NLRP2: variants seen among roughly 807,000 people sequenced by gnomAD.
NLRP2 encodes NACHT, LRR and PYD domains-containing protein 2.
A neutral mutation model predicts 97.2 loss-of-function variants in NLRP2; 107 were observed. The ratio of observed to expected loss-of-function variants is 1.10; its 90% CI spans 0.94 to 1.29. The LOEUF (loss-of-function observed/expected upper bound fraction) is 1.29. Among genes scored for constraint, NLRP2 ranks in the 50% most tolerant of loss-of-function variants. The probability of loss-of-function intolerance (pLI) is 0.00; values close to 1 mark genes in which losing one functional copy is unlikely to be tolerated. For missense variants in NLRP2, 1,495 were observed against 1,330.3 expected, an observed-to-expected ratio of 1.12 and a Z score of -1.93; for synonymous variants, 663 against 551.5, an observed-to-expected ratio of 1.20 and a Z score of -2.83.
At chr19:54,967,640 C>G (rs1411122248) in intron 1 of NLRP2, among the ~76,000 whole-genome samples, 1 of 150,312 alleles carries the variant, frequency 6.7e-6, no homozygotes, top group Non-Finnish European at 1.5e-5. Context: ...CTATAGAGAG[C>G]TCCAAAAAAA....
At chr19:55,000,467 A>C (rs2073120051) in intron 12 of NLRP2, among the ~76,000 whole-genome samples, 1 of 150,320 alleles carries the variant, frequency 6.7e-6, no homozygotes, top group Admixed American at 6.6e-5. Context: ...TTTAGTAGAG[A>C]CAGGGTTTCA....
intron 1 of NLRP2, among the ~76,000 whole-genome samples, chr19:54,967,142 T>C (rs887800738): frequency 3.4e-5 from 5 of 148,906 alleles, no homozygotes; most frequent in African/African-American, 1.2e-4. Flanking sequence ...TCTGGGATTA[T>C]AGGCAGGTGC....
rs149347145 is a variant in NLRP2 at position 54,982,827 on chromosome 19, C to T, written c.1129C>T (p.Gln377Ter). 3.7e-6 allele frequency: 6 copies of T among 1,613,706 alleles called. No individual in the cohort carries two copies. The highest frequency in any genetic ancestry group is 3.4e-6 in the Non-Finnish European group (4 of 1,179,946). ...YFLRHFGDEDQAMRAFELMRS... is the reference protein window; with the variant it reads ...YFLRHFGDED ...CCTGAGACACTTTGGAGACGAGGAC[C>T]AAGCCATGCGTGCCTTTGAGCTAAT... The change falls in exon 6 of 13, where the codon CAA becomes TAA. Residue 377 changes from glutamine (Q) to a stop codon, truncating the protein, a stop_gained. Transcript: ENST00000448584. LOFTEE classifies it high-confidence loss of function.
At chr19:54,966,847 T>TA (rs2070464048) in intron 1 of NLRP2, among the ~76,000 whole-genome samples, 2 of 121,250 alleles carry the variant, frequency 1.6e-5, no homozygotes, top group Non-Finnish European at 3.9e-5. Flanking sequence ...TTTTTTTTTT[T>TA]TTTTCTTCTC....
chr19:54,981,107 TCAAA>T (rs1427710686), intron 4 of NLRP2, among the ~76,000 whole-genome samples: 4 of 152,130 alleles, frequency 2.6e-5, no homozygotes, highest in South Asian at 2.1e-4. Flanking sequence ...TGAGACTGTC[TCAAA>T]CAGACCTATA....
In NLRP2 at chr19:55,001,024, T is replaced by G. The variant is rs766628929; in HGVS notation, c.*126T>G. 1 of 826,430 alleles carries G rather than the reference T, an allele frequency of 1.2e-6. No individual in the cohort carries two copies. The highest frequency in any genetic ancestry group is 1.4e-5 in the South Asian group (1 of 69,866). The allele number at this position is 826,430 out of a possible 1,614,324, so 51.2% of individuals were successfully genotyped here. ...AATGAGTTCATTGCTGGGCTAGATGTTTTAGCCATGATTCTGCCTCTGTTT... is the reference window on the plus strand; with the variant it reads ...AATGAGTTCATTGCTGGGCTAGATGGTTTAGCCATGATTCTGCCTCTGTTT... On this transcript the variant is annotated 3_prime_UTR_variant, in exon 13 of 13. Transcript: ENST00000448584.
rs768813006 is a variant in NLRP2, at chr19:54,982,623, GAGA to G, written c.934_936del (p.Lys312del). On this transcript the variant is annotated inframe_deletion, in exon 6 of 13. Transcript: ENST00000448584. ...GATCGAGGACATCTGCGGGGACTGGGAGAAGAAGAAGCCGGTGCCCGTCCTCCT... is the reference window on the plus strand; with the variant it reads ...GATCGAGGACATCTGCGGGGACTGGGAGAAGAAGCCGGTGCCCGTCCTCCT... The G allele has an allele frequency of 2.1e-4, 334 of 1,614,160 alleles. No homozygotes were observed. The highest frequency in any genetic ancestry group is 3.4e-4 in the South Asian group (31 of 91,082).
At chr19:54,973,197 A>C (rs572811154) in intron 2 of NLRP2, among the ~76,000 whole-genome samples, 57 of 152,016 alleles carry the variant, frequency 3.7e-4, no homozygotes, top group African/African-American at 8.9e-4. Flanking sequence ...TCAAAAAAAA[A>C]AAACAAACAA....
chr19:54,989,024 C>G (rs2072282679), intron 8 of NLRP2, among the ~76,000 whole-genome samples: 1 of 151,926 alleles, frequency 6.6e-6, no homozygotes, highest in Admixed American at 6.6e-5. Context: ...GTGGAGTGAT[C>G]TCGGCTTACT....
chr19:54,982,168 A>G lies in NLRP2; in HGVS notation c.470A>G (p.Asp157Gly). 1.9e-6 allele frequency: 3 copies of G among 1,614,104 alleles called. No homozygotes were observed. In the South Asian group the frequency reaches 3.3e-5, roughly 18 times the overall value. Residue 157 changes from aspartate to glycine, a missense_variant, in exon 6 of 13, where the codon GAC becomes GGC. Asp to Gly is a moderately conservative substitution (Grantham distance 94). Coordinates refer to ENST00000448584, the MANE Select transcript of NLRP2 (RefSeq NM_017852.5). The part of the protein sequence containing the change: ...EVFKGKKPDK[D>G]NRCRYILKTK... Reference sequence around the variant, plus strand: ...CTCCTCACCAATGATAAAGACAAAGACAATAGGTGCAGGTATATATTGAAG... The same window carrying G: ...CTCCTCACCAATGATAAAGACAAAGGCAATAGGTGCAGGTATATATTGAAG...
intron 8 of NLRP2, chr19:54,986,549 T>G (rs2072100176): frequency 1.8e-6 from 1 of 562,664 alleles, no homozygotes. Context: ...CCCAGAATCT[T>G]TATCATCTTT....
intron 11 of NLRP2, 110 bp downstream of exon 11, chr19:54,994,549 T>G: frequency 9.0e-7 from 1 of 1,107,192 alleles, no homozygotes; most frequent in Non-Finnish European, 1.4e-6. Context: ...TGAGAGGACC[T>G]TTATAGAGTC....
Position 54,983,650 on chromosome 19 carries a change from A to G in NLRP2, c.1952A>G (p.Gln651Arg). The G allele has an allele frequency of 1.2e-6, 2 of 1,614,172 alleles. No homozygotes were observed. The highest frequency in any genetic ancestry group is 2.2e-5 in the East Asian group (1 of 44,888). Residue 651 changes from glutamine to arginine, a missense_variant, in exon 6 of 13, where the codon CAG becomes CGG. Physicochemically the swap from Gln to Arg is conservative, Grantham distance 43 (BLOSUM62 1). Transcript: ENST00000448584. ...SFCVKHCRNL[Q>R]KMSLQVIKEN... is the part of the protein sequence containing the mutation. ...TGCGTCAAGCACTGTCGAAACCTGC[A>G]GAAAATGTCACTGCAGGTAATAAAG...
intron 11 of NLRP2, among the ~76,000 whole-genome samples, chr19:54,994,961 G>A (rs2072724417): frequency 6.6e-6 from 1 of 151,372 alleles, no homozygotes; most frequent in African/African-American, 2.4e-5. Flanking sequence ...GAAATTTTAA[G>A]GATACAGTGC....
intron 12 of NLRP2, among the ~76,000 whole-genome samples, chr19:54,998,611 CTTTT>C (rs375510249): frequency 4.7e-5 from 2 of 42,214 alleles, no homozygotes; most frequent in Non-Finnish European, 9.3e-5. Flanking sequence ...CATCTTTTTT[CTTTT>C]TTTTTTTTTT....
Position 54,982,998 on chromosome 19 carries a change from T to C in NLRP2, c.1300T>C (p.Cys434Arg), listed in dbSNP as rs761161904. 4 of 1,610,668 alleles carry C rather than the reference T, an allele frequency of 2.5e-6. No homozygotes were observed. Among genetic ancestry groups the C allele is most frequent in the Middle Eastern group, 2.0e-4 (1 of 5,058 alleles). ...TRTGLFLRFL[C>R]SRFPQGAQLR... The stretch of plus-strand genomic sequence containing the variant: ...CACGGGGCTGTTCCTGCGTTTCCTC[T>C]GCAGCCGGTTCCCGCAGGGCGCACA... Residue 434 changes from cysteine to arginine, a missense_variant, in exon 6 of 13, where the codon TGC (cysteine) becomes CGC (arginine). Cys to Arg is a radical substitution (Grantham distance 180). Coordinates refer to ENST00000448584, the MANE Select transcript of NLRP2 (RefSeq NM_017852.5).
At chr19:54,981,407 TC>T (rs896506807) in intron 4 of NLRP2, among the ~76,000 whole-genome samples, 7 of 151,918 alleles carry the variant, frequency 4.6e-5, no homozygotes, top group South Asian at 2.1e-4. Context: ...GCTCAAGTGA[TC>T]CACCCCACCT....
At chr19:54,971,528 A>T (rs908004877) in intron 2 of NLRP2, among the ~76,000 whole-genome samples, 2 of 151,778 alleles carry the variant, frequency 1.3e-5, no homozygotes, top group Non-Finnish European at 2.9e-5. Context: ...CTGGTGTGAG[A>T]TGATATCTCA....
chr19:54,984,702 C>A (rs532059929), intron 6 of NLRP2, among the ~76,000 whole-genome samples: 1 of 151,406 alleles, frequency 6.6e-6, no homozygotes, highest in Non-Finnish European at 1.5e-5. Context: ...AGGCAGGTCT[C>A]GAACTCCCGA....
Sources: gnomAD v4.1 joint callset for allele counts (sites outside exome capture counted in the v4.1 genomes callset) on GRCh38, gnomAD v4.1.1 for gene constraint, MANE v1.5 for transcripts, NCBI Gene and HGNC (gene_info 2026-07-23, HGNC 2026-07-21) for gene names.